The following IGFBP2 variants were observed in gnomAD, a reference collection of about 807,000 sequenced individuals.
The protein encoded by IGFBP2 is insulin-like growth factor-binding protein 2.
IGFBP2 carries 12 observed loss-of-function variants against 26.2 expected under a neutral mutation model. The observed-to-expected ratio is 0.46, with a 90% CI of 0.29 to 0.74. The LOEUF is 0.74. Among genes scored for constraint, IGFBP2 ranks in the 30% least tolerant of loss-of-function variants. The pLI is 0.09. For synonymous variants in IGFBP2, 189 were observed against 200.6 expected (o/e 0.94, Z 0.49); for missense variants, 328 against 441.2 (o/e 0.74, Z 2.30).
intron 1 of IGFBP2, among the ~76,000 whole-genome samples, chr2:216,645,402 A>G (rs2106194236): frequency 6.6e-6 from 1 of 152,332 alleles, no homozygotes; most frequent in South Asian, 2.1e-4. Flanking sequence ...GTCTTTCCTT[A>G]GGTGATGCCA....
chr2:216,632,927 G>A (rs920705077), upstream of IGFBP2: 1 of 152,232 alleles, frequency 6.6e-6, no homozygotes, highest in African/African-American at 2.4e-5. Context: ...CACCCAACAA[G>A]AAGTCATTGT....
At chr2:216,643,273 C>T (rs1394253576) in intron 1 of IGFBP2, among the ~76,000 whole-genome samples, 1 of 152,158 alleles carries the variant, frequency 6.6e-6, no homozygotes. Flanking sequence ...TTGCAAGGGG[C>T]TGTTGGATTC....
intron 1 of IGFBP2, among the ~76,000 whole-genome samples, chr2:216,636,365 G>A (rs1300708744): frequency 6.6e-6 from 1 of 152,096 alleles, no homozygotes; most frequent in Non-Finnish European, 1.5e-5. Flanking sequence ...AACCTCAGCA[G>A]TTCCGGCTTT....
At chr2:216,637,721 C>T (rs1056380573) in intron 1 of IGFBP2, among the ~76,000 whole-genome samples, 1 of 152,124 alleles carries the variant, frequency 6.6e-6, no homozygotes, top group African/African-American at 2.4e-5. Context: ...TGTTGTATTC[C>T]CGAGGGTCTG....
Position 216,661,860 on chromosome 2 carries a change from T to C in IGFBP2, c.675T>C (p.Thr225=). The change falls in exon 3 of 4, where the codon ACT becomes ACC. Residue 225 remains threonine, a splice_region_variant and synonymous_variant. Coordinates refer to ENST00000233809, the MANE Select transcript of IGFBP2 (RefSeq NM_000597.3). The stretch of plus-strand genomic sequence containing the variant: ...TCCCCTGCTGTCTGTGCGTGCAGAC[T>C]CCCTGCCAACAGGAACTGGACCAGG... ...PKKLRPPPAR[T]PCQQELDQVL... The C allele has an allele frequency of 6.2e-7, 1 of 1,614,142 alleles. No homozygotes were observed. The highest frequency in any genetic ancestry group is 8.5e-7 in the Non-Finnish European group (1 of 1,180,024).
chr2:216,659,697 G>A, intron 1 of IGFBP2: 1 of 1,534,080 alleles, frequency 6.5e-7, no homozygotes, highest in Non-Finnish European at 8.7e-7. Flanking sequence ...AGTATAAGGA[G>A]ACTTAATGGA....
intron 1 of IGFBP2, 91 bp from the exon 2 acceptor site, chr2:216,660,466 C>G: frequency 1.1e-6 from 1 of 911,258 alleles, no homozygotes; most frequent in Non-Finnish European, 1.6e-6. Flanking sequence ...CATCTCCACC[C>G]TCATCATCAT....
At chr2:216,656,045 T>C (rs552183038) in intron 1 of IGFBP2, among the ~76,000 whole-genome samples, 10 of 152,210 alleles carry the variant, frequency 6.6e-5, no homozygotes, top group Non-Finnish European at 1.3e-4. Flanking sequence ...CTAGGCACTG[T>C]GCCTCCAGAG....
intron 1 of IGFBP2, among the ~76,000 whole-genome samples, chr2:216,638,996 C>T (rs986068173): frequency 1.3e-5 from 2 of 148,158 alleles, no homozygotes; most frequent in African/African-American, 5.0e-5. Context: ...CCACGGTGCC[C>T]GACCAGGCTA....
At chr2:216,649,666 G>A (rs886366456) in intron 1 of IGFBP2, among the ~76,000 whole-genome samples, 11 of 152,314 alleles carry the variant, frequency 7.2e-5, no homozygotes, top group African/African-American at 2.2e-4. Context: ...GGCTCACGGG[G>A]CCCCAGAGGA....
chr2:216,648,738 A>G (rs973276364), intron 1 of IGFBP2, among the ~76,000 whole-genome samples: 5 of 152,006 alleles, frequency 3.3e-5, no homozygotes, highest in Admixed American at 3.3e-4. Flanking sequence ...CCTCCTGAGT[A>G]GCTGGGATTA....
In IGFBP2 at chr2:216,633,528, T is replaced by A; in HGVS notation, c.5T>A (p.Leu2Gln). ...GCCGCGCTGCCGACCGCCAGCATGC[T>A]GCCGAGAGTGGGCTGCCCCGCGCTG... is the stretch of plus-strand genomic sequence containing the variant. M[L>Q]PRVGCPALPL... is the part of the protein sequence containing the mutation. Residue 2 changes from leucine (L) to glutamine (Q), a missense_variant, in exon 1 of 4, where the codon CTG becomes CAG. Leu to Gln is a moderately radical substitution (Grantham distance 113). Coordinates refer to ENST00000233809, the MANE Select transcript of IGFBP2 (RefSeq NM_000597.3). 1 of 845,450 alleles carries A rather than the reference T, an allele frequency of 1.2e-6. No individual in the cohort carries two copies. Among genetic ancestry groups the A allele is most frequent in the Non-Finnish European group, 1.4e-6 (1 of 699,856 alleles). 52.4% of individuals were successfully genotyped at this position (845,450 alleles called of 1,614,324 possible). A position where few individuals can be genotyped will look rare whatever the true frequency, so the allele number is the denominator to read the frequency against.
chr2:216,648,020 G>T (rs145626119), intron 1 of IGFBP2, among the ~76,000 whole-genome samples: 134 of 152,258 alleles, frequency 8.8e-4, no homozygotes, highest in African/African-American at 3.1e-3. Flanking sequence ...TTCTCAAAAG[G>T]TTTCTCCTAA....
intron 2 of IGFBP2, chr2:216,661,020 C>A (rs1039106554): frequency 7.1e-6 from 4 of 561,936 alleles, no homozygotes; most frequent in Admixed American, 3.3e-5. Context: ...CTAAAACCTT[C>A]ACATTTCTGT....
intron 1 of IGFBP2, among the ~76,000 whole-genome samples, chr2:216,640,031 C>T (rs1419784024): frequency 6.6e-6 from 1 of 152,168 alleles, no homozygotes; most frequent in African/African-American, 2.4e-5. Flanking sequence ...CTTCCTCCTC[C>T]TGCCTTCTCC....
At chr2:216,650,324 C>T (rs1250745562) in intron 1 of IGFBP2, among the ~76,000 whole-genome samples, 1 of 152,178 alleles carries the variant, frequency 6.6e-6, no homozygotes, top group Non-Finnish European at 1.5e-5. Flanking sequence ...AGTTGAACAC[C>T]CTGCTTAGCG....
intron 1 of IGFBP2, among the ~76,000 whole-genome samples, chr2:216,647,098 T>C (rs760080953): frequency 1.3e-5 from 2 of 152,192 alleles, no homozygotes; most frequent in Non-Finnish European, 2.9e-5. Context: ...CAGGTAGCTC[T>C]TGGTCACTAA....
At chr2:216,658,867 C>T (rs1697972954) in intron 1 of IGFBP2, among the ~76,000 whole-genome samples, 1 of 152,176 alleles carries the variant, frequency 6.6e-6, no homozygotes. Context: ...CATCTTTTAA[C>T]TGCTTTTCTT....
intron 1 of IGFBP2, among the ~76,000 whole-genome samples, chr2:216,660,152 G>A (rs538464830): frequency 3.3e-5 from 5 of 152,296 alleles, no homozygotes; most frequent in African/African-American, 7.2e-5. Context: ...CCATTCCATG[G>A]TCAGGGCCTT....
Sources: allele counts gnomAD v4.1 joint callset (sites outside exome capture counted in the v4.1 genomes callset), GRCh38; gene constraint gnomAD v4.1.1; transcripts MANE v1.5; gene names NCBI Gene and HGNC (gene_info 2026-07-23, HGNC 2026-07-21).